CMTM7: variants seen among roughly 807,000 people sequenced by gnomAD.
The protein encoded by CMTM7 is CKLF-like MARVEL transmembrane domain-containing protein 7.
A neutral mutation model predicts 19.3 loss-of-function variants in CMTM7; 7 were observed. The ratio of observed to expected loss-of-function variants is 0.36; its 90% CI spans 0.21 to 0.68. The LOEUF is 0.68. Among genes scored for constraint, CMTM7 ranks in the 30% least tolerant of loss-of-function variants. The probability of loss-of-function intolerance (pLI) is 0.60; values close to 1 mark genes in which losing one functional copy is unlikely to be tolerated. For synonymous variants in CMTM7, 87 were observed against 99.3 expected (o/e 0.88, Z 0.74); for missense variants, 193 against 232.6 (o/e 0.83, Z 1.11).
intron 1 of CMTM7, among the ~76,000 whole-genome samples, chr3:32,419,073 G>A (rs190142459): frequency 1.2e-3 from 176 of 152,256 alleles, no homozygotes; most frequent in Middle Eastern, 3.4e-3. Context: ...TCTTTCACCA[G>A]TGTTCTATCA....
At chr3:32,419,088 C>T (rs926191029) in intron 1 of CMTM7, among the ~76,000 whole-genome samples, 4 of 152,144 alleles carry the variant, frequency 2.6e-5, no homozygotes, top group Admixed American at 1.3e-4. Context: ...CTATCATTTT[C>T]ACCATATTGT....
rs1355054095 is a variant in CMTM7 at position 32,449,414 on chromosome 3, G to T, written c.334-40G>T. On this transcript the variant is annotated intron_variant, in intron 2 of 4. Coordinates refer to ENST00000334983, the MANE Select transcript of CMTM7 (RefSeq NM_138410.4). The surrounding 1 kb of genome is among the most constrained non-coding windows in gnomAD (Gnocchi z 4.5). ...AGTTGCTCTTCCCGGACCAGAAATGGACGGCCCTACCCACTTATTTGCTTT... is the reference window on the plus strand; with the variant it reads ...AGTTGCTCTTCCCGGACCAGAAATGTACGGCCCTACCCACTTATTTGCTTT... 7.1e-7 allele frequency: 1 copy of T among 1,402,370 alleles called. No individual in the cohort carries two copies. Among genetic ancestry groups the T allele is most frequent in the South Asian group, 1.2e-5 (1 of 86,850 alleles). The allele number at this position is 1,402,370 out of a possible 1,614,324, so 86.9% of individuals were successfully genotyped here.
intron 1 of CMTM7, among the ~76,000 whole-genome samples, chr3:32,411,397 C>T (rs1033645524): frequency 9.9e-5 from 15 of 151,758 alleles, no homozygotes; most frequent in Non-Finnish European, 2.2e-4. Context: ...TTAAGATATC[C>T]CTAAAATTTT....
At chr3:32,440,549 A>G (rs1263891205) in intron 1 of CMTM7, among the ~76,000 whole-genome samples, 1 of 152,194 alleles carries the variant, frequency 6.6e-6, no homozygotes, top group African/African-American at 2.4e-5. Flanking sequence ...AGGCCAAGGC[A>G]GGGGGATTGC....
At chr3:32,409,577 C>G (rs1696142584) in intron 1 of CMTM7, among the ~76,000 whole-genome samples, 1 of 152,172 alleles carries the variant, frequency 6.6e-6, no homozygotes, top group Admixed American at 6.5e-5. Flanking sequence ...ATTCAGTTGT[C>G]ACATCTCTAA....
intron 1 of CMTM7, among the ~76,000 whole-genome samples, chr3:32,441,392 G>A (rs1224826933): frequency 6.6e-6 from 1 of 152,210 alleles, no homozygotes; most frequent in African/African-American, 2.4e-5. Context: ...TGTAAGGTAT[G>A]AATTACCATC....
chr3:32,436,780 C>T (rs1438825040), intron 1 of CMTM7, among the ~76,000 whole-genome samples: 1 of 152,062 alleles, frequency 6.6e-6, no homozygotes, highest in Non-Finnish European at 1.5e-5. Context: ...GGCACGAGGG[C>T]TCAGGTCTGC....
chr3:32,407,287 CAT>C (rs1321741125), intron 1 of CMTM7, among the ~76,000 whole-genome samples: 1 of 152,116 alleles, frequency 6.6e-6, no homozygotes, highest in Admixed American at 6.5e-5. Context: ...TTACAGATCT[CAT>C]AAGATTTTTG....
chr3:32,412,084 A>T (rs1194350603), intron 1 of CMTM7, among the ~76,000 whole-genome samples: 1 of 152,204 alleles, frequency 6.6e-6, no homozygotes, highest in Non-Finnish European at 1.5e-5. Context: ...CAAAAATGTT[A>T]GTGGTTCCAT....
At chr3:32,439,760 A>G (rs1696648413) in intron 1 of CMTM7, among the ~76,000 whole-genome samples, 1 of 152,176 alleles carries the variant, frequency 6.6e-6, no homozygotes. Context: ...GGCATGCACC[A>G]GGCCCCATTT....
chr3:32,391,890 C>T lies in CMTM7; in HGVS notation c.-17C>T, dbSNP rs1226841400. The stretch of plus-strand genomic sequence containing the variant: ...GGCAGCTGCCCGGGGAGGCGGCCAG[C>T]GAGCTGGGGCCGCGCAATGTCGCAC... On this transcript the variant is annotated 5_prime_UTR_variant, in exon 1 of 5. Coordinates refer to ENST00000334983, the MANE Select transcript of CMTM7 (RefSeq NM_138410.4). The T allele has an allele frequency of 4.9e-6, 6 of 1,213,130 alleles. No individual in the cohort carries two copies. Among genetic ancestry groups the T allele is most frequent in the Non-Finnish European group, 5.1e-6 (5 of 975,646 alleles). 75.1% of individuals were successfully genotyped at this position (1,213,130 alleles called of 1,614,324 possible). A position where few individuals can be genotyped will look rare whatever the true frequency, so the allele number is the denominator to read the frequency against.
intron 1 of CMTM7, among the ~76,000 whole-genome samples, chr3:32,415,548 T>G (rs544237459): frequency 3.3e-5 from 5 of 152,228 alleles, no homozygotes; most frequent in Admixed American, 6.5e-5. Context: ...TACTCCTCAG[T>G]GAAATCTTGG....
chr3:32,433,197 A>C (rs1466500805), intron 1 of CMTM7, among the ~76,000 whole-genome samples: 1 of 152,220 alleles, frequency 6.6e-6, no homozygotes, highest in Non-Finnish European at 1.5e-5. Context: ...AATAAGTGTC[A>C]ATTTTGCTTC....
At chr3:32,438,569 T>A (rs1376315041) in intron 1 of CMTM7, among the ~76,000 whole-genome samples, 4 of 152,254 alleles carry the variant, frequency 2.6e-5, no homozygotes, top group Middle Eastern at 3.4e-3. Flanking sequence ...AAAAGGAAGC[T>A]TTTAGGAGCA....
At chr3:32,410,322 C>G (rs1453272085) in intron 1 of CMTM7, among the ~76,000 whole-genome samples, 2 of 152,210 alleles carry the variant, frequency 1.3e-5, no homozygotes, top group Non-Finnish European at 2.9e-5. Flanking sequence ...GTGTCCAGTT[C>G]GTAAGGTGGT....
chr3:32,418,036 G>C (rs764392731), intron 1 of CMTM7, among the ~76,000 whole-genome samples: 1 of 152,116 alleles, frequency 6.6e-6, no homozygotes, highest in Non-Finnish European at 1.5e-5. Context: ...TGCTAAGGCT[G>C]GTCTCGAACT....
chr3:32,408,149 CTCCGG>C (rs1269383462), intron 1 of CMTM7, among the ~76,000 whole-genome samples: 2 of 152,208 alleles, frequency 1.3e-5, no homozygotes, highest in Non-Finnish European at 1.5e-5. Context: ...CTCCCAGAGT[CTCCGG>C]AGGGAGCACT....
intron 1 of CMTM7, among the ~76,000 whole-genome samples, chr3:32,435,419 G>A (rs116270161): frequency 0.02 from 3,040 of 152,266 alleles, 109 homozygotes; most frequent in African/African-American, 0.069. Context: ...AAAAAAGAAA[G>A]AAATATTCAT....
chr3:32,406,026 T>A (rs930464380), intron 1 of CMTM7, among the ~76,000 whole-genome samples: 1 of 152,234 alleles, frequency 6.6e-6, no homozygotes, highest in Non-Finnish European at 1.5e-5. Context: ...GTGATACCAG[T>A]TTCTTGTGTA....
Sources: gnomAD v4.1 joint callset for allele counts (sites outside exome capture counted in the v4.1 genomes callset) on GRCh38, gnomAD v4.1.1 for gene constraint, Gnocchi (gnomAD v3.1) non-coding constraint, MANE v1.5 for transcripts, NCBI Gene and HGNC (gene_info 2026-07-23, HGNC 2026-07-21) for gene names.